The following LIPK variants were observed in gnomAD, a reference collection of about 807,000 sequenced individuals.
LIPK encodes lipase family member K.
Under a neutral mutation model 48.6 loss-of-function variants are expected in LIPK, and 32 were observed. The ratio of observed to expected loss-of-function variants is 0.66; its 90% CI spans 0.50 to 0.88. The LOEUF (loss-of-function observed/expected upper bound fraction) is 0.88, where lower values mean the gene tolerates loss of function less well. Among genes scored for constraint, LIPK ranks in the 40% least tolerant of loss-of-function variants. The pLI, the probability that LIPK is intolerant of heterozygous loss-of-function variation, is 0.00. For synonymous variants in LIPK, 164 were observed against 157.4 expected, an observed-to-expected ratio of 1.04 and a Z score of -0.32; for missense variants, 507 against 478.5, an observed-to-expected ratio of 1.06 and a Z score of -0.56.
rs139772984 is a variant in LIPK at position 88,731,618 on chromosome 10, C to T, written c.422+437C>T. Among the ~76,000 whole-genome samples, 61 of 152,322 alleles carry T rather than the reference C, an allele frequency of 4.0e-4. 1 individual carries two copies. The highest frequency in any genetic ancestry group is 6.8e-4 in the Non-Finnish European group (46 of 68,022). On this transcript the variant is annotated intron_variant, in intron 4 of 9. Transcript: ENST00000404190. ...ATGAAAATCCTGTGTTCCTTGGCCT[C>T]GTTGCCTGCCTTCTTTCTGGAAACC...
intron 8 of LIPK, among the ~76,000 whole-genome samples, chr10:88,741,961 C>A (rs1842686780): frequency 6.6e-6 from 1 of 152,166 alleles, no homozygotes; most frequent in African/African-American, 2.4e-5. Flanking sequence ...GCTCCACAGG[C>A]TGTACAGGAA....
At chr10:88,743,194 G>A in intron 8 of LIPK, 56 bp from the exon 9 acceptor site, 1 of 1,192,468 alleles carries the variant, frequency 8.4e-7, no homozygotes, top group Non-Finnish European at 1.2e-6. Context: ...CTTCTGTACT[G>A]TCTTTAAATG....
rs554971377 is a variant in LIPK, at chr10:88,752,663, C to T, written c.1107C>T (p.His369=). Residue 369 remains histidine (H), a synonymous_variant, in exon 10 of 10, where the codon CAC becomes CAT. Transcript: ENST00000404190. ...TTATTTATTACAAGCTGATTCCACA[C>T]TACAATCATGTGGATTTTTACCTTG... ...ANLIYYKLIP[H]YNHVDFYLGE... The T allele has an allele frequency of 1.4e-5, 22 of 1,576,520 alleles. No homozygotes were observed. The African/African-American group carries it at 1.5e-4, about 11-fold the overall frequency.
At position 88,730,836 on chromosome 10, in the gene LIPK, C is replaced by T. The variant is rs553284278; in HGVS notation, c.224-147C>T. ...TTAAATAACTTACCCAAGTAAGTAG[C>T]TCAGAAGGGACTAGATCCCAGGTTT... is the stretch of plus-strand genomic sequence containing the variant. On this transcript the variant is annotated intron_variant, in intron 3 of 9. Coordinates refer to ENST00000404190, the MANE Select transcript of LIPK (RefSeq NM_001080518.2). The T allele has an allele frequency of 9.6e-6, 6 of 627,736 alleles. No homozygotes were observed. The South Asian group carries it at 1.4e-4, about 14-fold the overall frequency. 38.9% of individuals were successfully genotyped at this position (627,736 alleles called of 1,614,324 possible).
chr10:88,724,423 T>C lies in LIPK; in HGVS notation c.-11-110T>C, dbSNP rs1842292192. On this transcript the variant is annotated intron_variant, in intron 1 of 9. Coordinates refer to ENST00000404190, the MANE Select transcript of LIPK (RefSeq NM_001080518.2). ...GTATTCTACTGGTTAAAGCACAGCC[T>C]AGAAGTATGTTTCTGCTCTCTCTCA... The C allele has an allele frequency of 1.0e-5, 7 of 679,088 alleles. No homozygotes were observed. In the East Asian group the frequency reaches 1.7e-4, roughly 16 times the overall value. 42.1% of individuals were successfully genotyped at this position (679,088 alleles called of 1,614,324 possible).
intron 7 of LIPK, among the ~76,000 whole-genome samples, chr10:88,739,735 T>G (rs1445302410): frequency 6.6e-6 from 1 of 152,024 alleles, no homozygotes; most frequent in Non-Finnish European, 1.5e-5. Context: ...GGTGCGCACC[T>G]GTAGTCCTAG....
intron 8 of LIPK, among the ~76,000 whole-genome samples, chr10:88,741,494 G>A (rs1188088731): frequency 6.6e-6 from 1 of 152,164 alleles, no homozygotes; most frequent in African/African-American, 2.4e-5. Context: ...CCAGAGTGCT[G>A]GGATTACAGG....
intron 1 of LIPK, among the ~76,000 whole-genome samples, chr10:88,722,633 C>T (rs918094170): frequency 6.6e-6 from 1 of 152,062 alleles, no homozygotes; most frequent in African/African-American, 2.4e-5. Context: ...ATGGGCCATA[C>T]TTAGAAAAAC....
intron 1 of LIPK, among the ~76,000 whole-genome samples, 71 bp downstream of exon 1, chr10:88,706,391 G>T (rs914488667): frequency 6.6e-6 from 1 of 152,034 alleles, no homozygotes; most frequent in African/African-American, 2.4e-5. Flanking sequence ...ACCTTCAGAG[G>T]GACAGAACTT....
At chr10:88,749,106 C>T (rs1224635745) in intron 9 of LIPK, among the ~76,000 whole-genome samples, 1 of 152,114 alleles carries the variant, frequency 6.6e-6, no homozygotes, top group Non-Finnish European at 1.5e-5. Context: ...TAAAACACTG[C>T]TCAAAGAAAT....
chr10:88,716,232 G>A (rs1842114293), intron 1 of LIPK, among the ~76,000 whole-genome samples: 1 of 151,884 alleles, frequency 6.6e-6, no homozygotes, highest in Non-Finnish European at 1.5e-5. Context: ...TAAAAAGAAT[G>A]ACAGAGAAAA....
In LIPK at chr10:88,718,038, G is replaced by A. The variant is rs562011872; in HGVS notation, c.-11-6495G>A. ...TTCTTAAGATCATATAGGTAATATC[G>A]ATTCATTATAAATATGGACCTTTTA... On this transcript the variant is annotated intron_variant, in intron 1 of 9. Transcript: ENST00000404190. Among the ~76,000 whole-genome samples the A allele has an allele frequency of 3.2e-4, 49 of 151,462 alleles. No individual in the cohort carries two copies. In the South Asian group the frequency reaches 7.9e-3, roughly 25 times the overall value.
At chr10:88,748,777 G>A (rs1842815011) in intron 9 of LIPK, among the ~76,000 whole-genome samples, 1 of 152,114 alleles carries the variant, frequency 6.6e-6, no homozygotes, top group Non-Finnish European at 1.5e-5. Context: ...GCATAGTACT[G>A]GAAGTCCTAG....
At chr10:88,745,370 G>C (rs1267400087) in intron 9 of LIPK, among the ~76,000 whole-genome samples, 1 of 152,110 alleles carries the variant, frequency 6.6e-6, no homozygotes, top group Non-Finnish European at 1.5e-5. Flanking sequence ...AAATATTAAA[G>C]GCAGCTAGAG....
intron 6 of LIPK, among the ~76,000 whole-genome samples, chr10:88,736,009 T>C (rs1203009417): frequency 6.6e-6 from 1 of 152,188 alleles, no homozygotes; most frequent in African/African-American, 2.4e-5. Flanking sequence ...AGAGATTATC[T>C]TGTATAGTCA....
Position 88,731,193 on chromosome 10 carries a change from C to G in LIPK, c.422+12C>G, listed in dbSNP as rs1484224731. The G allele has an allele frequency of 1.3e-6, 2 of 1,507,286 alleles. No homozygotes were observed. Among genetic ancestry groups the G allele is most frequent in the Non-Finnish European group, 1.8e-6 (2 of 1,129,938 alleles). The allele number at this position is 1,507,286 out of a possible 1,614,324, so 93.4% of individuals were successfully genotyped here. On this transcript the variant is annotated intron_variant, in intron 4 of 9. Transcript: ENST00000404190. ...TACTGGGCCTTCAGGTAAAGAGAAA[C>G]CTATTAATGAATAAAATGTGTACTT... is the stretch of plus-strand genomic sequence containing the variant.
intron 1 of LIPK, among the ~76,000 whole-genome samples, chr10:88,717,664 T>G (rs1391836048): frequency 1.3e-5 from 2 of 152,208 alleles, no homozygotes; most frequent in African/African-American, 4.8e-5. Context: ...GAAATAATGA[T>G]GTACCATCTG....
chr10:88,724,467 A>T, intron 1 of LIPK, 66 bp from the exon 2 acceptor site: 1 of 953,092 alleles, frequency 1.0e-6, no homozygotes, highest in Non-Finnish European at 1.6e-6. Context: ...TTATAAAAAG[A>T]TTACACCAAA....
chr10:88,739,170 C>G (rs202118125), intron 7 of LIPK, among the ~76,000 whole-genome samples: 10 of 151,834 alleles, frequency 6.6e-5, no homozygotes, highest in African/African-American at 2.2e-4. Context: ...CTAAATATAC[C>G]GACTGAATTA....
Sources: allele counts gnomAD v4.1 joint callset (sites outside exome capture counted in the v4.1 genomes callset), GRCh38; gene constraint gnomAD v4.1.1; transcripts MANE v1.5; gene names NCBI Gene and HGNC (gene_info 2026-07-23, HGNC 2026-07-21).